HIP1R: variants seen among roughly 807,000 people sequenced by gnomAD.
HIP1R encodes huntingtin-interacting protein 1-related protein.
HIP1R carries 135 observed loss-of-function variants against 144.2 expected under a neutral mutation model. The observed-to-expected ratio is 0.94, with a 90% CI of 0.81 to 1.08. The LOEUF is 1.08. Among genes scored for constraint, HIP1R ranks in the 50% least tolerant of loss-of-function variants. HIP1R has a pLI of 0.00. For synonymous variants in HIP1R, 698 were observed against 612.8 expected (o/e 1.14, Z -2.05); for missense variants, 1,462 against 1,432.8 (o/e 1.02, Z -0.33).
chr12:122,836,436 C>T lies in HIP1R; in HGVS notation c.93+793C>T, dbSNP rs75691486. On this transcript the variant is annotated intron_variant, in intron 1 of 31. Transcript: ENST00000253083. The surrounding 1 kb of genome is among the most constrained non-coding windows in gnomAD (Gnocchi z 4.1). ...GAAGGCGTTAGAAATGAAATAAGGGCGCGGGTGTGCGTTTTGTACTTGTGT... is the reference window on the plus strand; with the variant it reads ...GAAGGCGTTAGAAATGAAATAAGGGTGCGGGTGTGCGTTTTGTACTTGTGT... Among the ~76,000 whole-genome samples the T allele has an allele frequency of 0.04, 6,032 of 152,112 alleles. 395 individuals carry two copies. Among genetic ancestry groups the T allele is most frequent in the African/African-American group, 0.14 (5,657 of 41,432 alleles).
Position 122,854,076 on chromosome 12 carries a change from C to T in HIP1R, c.611C>T (p.Ser204Phe), listed in dbSNP as rs1384857749. ...FRQLNTAIAV[S>F]QMSSGQCRLA... ...CAGCTCAACACGGCCATCGCCGTAT[C>T]CCAGATGTCCTCAGGCCAGTGCCGC... Residue 204 changes from serine (S) to phenylalanine (F), a missense_variant, in exon 8 of 32, where the codon TCC (serine) becomes TTC (phenylalanine). Ser to Phe is a radical substitution (Grantham distance 155, BLOSUM62 -2). This residue lies in a region of HIP1R where 350 missense variants were observed against 421.1 expected (regional missense o/e 0.83). Transcript: ENST00000253083. 1 of 1,613,864 alleles carries T rather than the reference C, an allele frequency of 6.2e-7. No homozygotes were observed. Among genetic ancestry groups the T allele is most frequent in the African/African-American group, 1.3e-5 (1 of 75,038 alleles).
At chr12:122,859,922 G>A (rs867417142) in intron 24 of HIP1R, 92 bp downstream of exon 24, 2 of 1,479,860 alleles carry the variant, frequency 1.4e-6, no homozygotes, top group Non-Finnish European at 1.8e-6. Context: ...TCACGGGAAA[G>A]GAAGGCCTGG....
At chr12:122,856,382 G>C in intron 15 of HIP1R, 38 bp downstream of exon 15, 1 of 1,610,858 alleles carries the variant, frequency 6.2e-7, no homozygotes, top group Non-Finnish European at 8.5e-7. Context: ...CCGGTGGCAG[G>C]GCCTCTCGGG....
In HIP1R at chr12:122,859,456, CAGG is replaced by C. The variant is rs1226626488; in HGVS notation, c.2332_2334del (p.Glu778del). Reference sequence around the variant, plus strand: ...GAAACCCAAGAGCCTAGATGTGCGGCAGGAGGAGCTGGGGGCCGTGGTCGACAA... The same window carrying C: ...GAAACCCAAGAGCCTAGATGTGCGGCAGGAGCTGGGGGCCGTGGTCGACAA... On this transcript the variant is annotated inframe_deletion, in exon 23 of 32. Coordinates refer to ENST00000253083, the MANE Select transcript of HIP1R (RefSeq NM_003959.3). The C allele has an allele frequency of 1.2e-6, 2 of 1,613,332 alleles. No individual in the cohort carries two copies. Among genetic ancestry groups the C allele is most frequent in the African/African-American group, 2.7e-5 (2 of 74,932 alleles).
intron 7 of HIP1R, among the ~76,000 whole-genome samples, chr12:122,852,425 G>A (rs1489676384): frequency 6.6e-6 from 1 of 152,250 alleles, no homozygotes; most frequent in Admixed American, 6.5e-5. Context: ...GAGCCTCTCA[G>A]CACAGAGCCC....
chr12:122,843,000 A>G (rs1047126730), intron 1 of HIP1R, among the ~76,000 whole-genome samples: 9 of 152,194 alleles, frequency 5.9e-5, no homozygotes, highest in African/African-American at 1.4e-4. Context: ...CCTCGCCCCA[A>G]GGGATGGGGG....
intron 1 of HIP1R, among the ~76,000 whole-genome samples, chr12:122,845,205 C>T (rs1386700691): frequency 6.6e-6 from 1 of 152,198 alleles, no homozygotes; most frequent in Non-Finnish European, 1.5e-5. Flanking sequence ...CAGCAGCAGA[C>T]GGGAGTAGGT....
chr12:122,850,031 G>C (rs1346724111), intron 5 of HIP1R, 76 bp downstream of exon 5: 1 of 966,312 alleles, frequency 1.0e-6, no homozygotes, highest in Non-Finnish European at 1.7e-6. Flanking sequence ...CACATGTTGG[G>C]ACATCGAGGG....
Position 122,849,885 on chromosome 12 carries a change from A to G in HIP1R, c.368A>G (p.His123Arg). 6.2e-7 allele frequency: 1 copy of G among 1,613,100 alleles called. No homozygotes were observed. ...REIGDLWGHL[H>R]DRYGQLVNVY... ...TCTGTCTTCACACAGGGACATTTGCATGACCGCTACGGACAGCTGGTGAAT... is the reference window on the plus strand; with the variant it reads ...TCTGTCTTCACACAGGGACATTTGCGTGACCGCTACGGACAGCTGGTGAAT... The change falls in exon 5 of 32, where the codon CAT becomes CGT. Residue 123 changes from histidine (H) to arginine (R), a missense_variant. Around this residue, in one of 2 missense-constraint regions of HIP1R, gnomAD observed 350 missense variants for 421.1 expected, o/e 0.83. Transcript: ENST00000253083.
In HIP1R at chr12:122,856,610, G is replaced by A. The variant is rs375923921; in HGVS notation, c.1519-15G>A. 1,905 of 1,600,820 alleles carry A rather than the reference G, an allele frequency of 1.2e-3. 2 individuals carry two copies. The highest frequency in any genetic ancestry group is 1.4e-3 in the Non-Finnish European group (1,676 of 1,173,584). On this transcript the variant is annotated splice_polypyrimidine_tract_variant and intron_variant, in intron 16 of 31. Transcript: ENST00000253083. ...CCCCAGCCCACTGCCCCAGTGACAC[G>A]CTGTCCTGTCCCAGCTAGAGGAGAA...
chr12:122,840,877 G>T lies in HIP1R; in HGVS notation c.93+5234G>T, dbSNP rs752050163. Among the ~76,000 whole-genome samples, 4 of 152,178 alleles carry T rather than the reference G, an allele frequency of 2.6e-5. No individual in the cohort carries two copies. Among genetic ancestry groups the T allele is most frequent in the Non-Finnish European group, 5.9e-5 (4 of 68,024 alleles). ...GACAAAGCCAGCAGGAGCCTTGCCT[G>T]GCAGAACTGCTCACCCTCTGAATAG... On this transcript the variant is annotated intron_variant, in intron 1 of 31. Coordinates refer to ENST00000253083, the MANE Select transcript of HIP1R (RefSeq NM_003959.3). This position sits in a 1 kb window ranked among gnomAD's most constrained non-coding sequence, Gnocchi z 4.2.
At chr12:122,842,667 C>T (rs2033090709) in intron 1 of HIP1R, among the ~76,000 whole-genome samples, 1 of 152,202 alleles carries the variant, frequency 6.6e-6, no homozygotes, top group Non-Finnish European at 1.5e-5. Flanking sequence ...CCTCCCAGCT[C>T]AGTTGCCTGG....
Position 122,856,038 on chromosome 12 carries a change from AGGAGCAGC to A in HIP1R, c.1191_1198del (p.Gln398AlafsTer9). The A allele has an allele frequency of 6.3e-7, 1 of 1,596,090 alleles. No individual in the cohort carries two copies. The highest frequency in any genetic ancestry group is 8.5e-7 in the Non-Finnish European group (1 of 1,171,598). ...GTGAATGCACTGGAGGGTGAGCTGG[AGGAGCAGC>A]GGAAGCAGAAGCAGAAGGCCCTGGT... On this transcript the variant is annotated frameshift_variant, in exon 14 of 32. Coordinates refer to ENST00000253083, the MANE Select transcript of HIP1R (RefSeq NM_003959.3). LOFTEE classifies it high-confidence loss of function.
chr12:122,835,287 G>C (rs1397068950), upstream of HIP1R: 3 of 489,590 alleles, frequency 6.1e-6, no homozygotes, highest in East Asian at 8.3e-5. Flanking sequence ...GAGATCGCGG[G>C]GGGTGGGGTT....
At chr12:122,857,934 T>G (rs1022097307) in intron 18 of HIP1R, 168 bp from the exon 19 acceptor site, 1 of 510,462 alleles carries the variant, frequency 2.0e-6, no homozygotes, top group African/African-American at 1.9e-5. Flanking sequence ...CTTTTTATTC[T>G]TGAGCTGTGC....
At chr12:122,845,465 G>A (rs1274995803) in intron 1 of HIP1R, among the ~76,000 whole-genome samples, 5 of 152,222 alleles carry the variant, frequency 3.3e-5, no homozygotes, top group African/African-American at 7.2e-5. Context: ...CCGCCAGCGC[G>A]GGGAGCAGGC....
At chr12:122,843,845 T>G (rs993137771) in intron 1 of HIP1R, among the ~76,000 whole-genome samples, 13 of 152,140 alleles carry the variant, frequency 8.5e-5, no homozygotes, top group Admixed American at 3.3e-4. Context: ...GCTGTGGAAC[T>G]CTCTATTATT....
Position 122,848,461 on chromosome 12 carries a change from T to G in HIP1R, c.158-5T>G, listed in dbSNP as rs1244975244. 6.2e-7 allele frequency: 1 copy of G among 1,609,158 alleles called. No individual in the cohort carries two copies. The highest frequency in any genetic ancestry group is 8.5e-7 in the Non-Finnish European group (1 of 1,177,424). ...CTGCTTCCACACTTGGCCTTGACAT[T>G]GCAGGCATCATTCTGGGCACACACC... On this transcript the variant is annotated splice_polypyrimidine_tract_variant and splice_region_variant and intron_variant, in intron 2 of 31. Coordinates refer to ENST00000253083, the MANE Select transcript of HIP1R (RefSeq NM_003959.3).
chr12:122,835,411 G>A (rs2032850515), upstream of HIP1R: 4 of 1,131,782 alleles, frequency 3.5e-6, no homozygotes, highest in Non-Finnish European at 4.3e-6. Flanking sequence ...GGAGTTGGGG[G>A]CGGGGCGAGG....
Sources: gnomAD v4.1 joint callset for allele counts (sites outside exome capture counted in the v4.1 genomes callset) on GRCh38, gnomAD v4.1.1 for gene constraint, gnomAD v4.1.1 regional missense constraint, Gnocchi (gnomAD v3.1) non-coding constraint, MANE v1.5 for transcripts, NCBI Gene and HGNC (gene_info 2026-07-23, HGNC 2026-07-21) for gene names.